Variants in STRADA observed in about 807,000 individuals in gnomAD.
STRADA encodes the protein STE20-related kinase adapter protein alpha.
Under a neutral mutation model 55.0 loss-of-function variants are expected in STRADA, and 26 were observed. The observed-to-expected ratio is 0.47, with a 90% CI of 0.35 to 0.66. STRADA has a LOEUF of 0.66. Among genes scored for constraint, STRADA ranks in the 30% least tolerant of loss-of-function variants. The probability of loss-of-function intolerance (pLI) is 0.01; values close to 1 mark genes in which losing one functional copy is unlikely to be tolerated. For synonymous variants in STRADA, 197 were observed against 210.9 expected, an observed-to-expected ratio of 0.93 and a Z score of 0.57; for missense variants, 443 against 549.7, an observed-to-expected ratio of 0.81 and a Z score of 1.94.
At chr17:63,704,243 T>C in intron 11 of STRADA, 98 bp downstream of exon 11, 1 of 1,560,314 alleles carries the variant, frequency 6.4e-7, no homozygotes, top group Non-Finnish European at 8.7e-7. Flanking sequence ...CAGATTCCCC[T>C]GCAGAACCTT....
At chr17:63,732,835 G>A (rs758120822) in intron 1 of STRADA, among the ~76,000 whole-genome samples, 5 of 152,118 alleles carry the variant, frequency 3.3e-5, no homozygotes, top group Non-Finnish European at 7.3e-5. Context: ...TCCTACCTTG[G>A]CCTCCCAAAG....
At chr17:63,713,981 G>C in intron 5 of STRADA, 25 bp downstream of exon 5, 1 of 1,593,210 alleles carries the variant, frequency 6.3e-7, no homozygotes, top group Non-Finnish European at 8.6e-7. Flanking sequence ...GAAAGCAGGA[G>C]AGTAAGGACG....
rs2036441220 is a variant in STRADA at position 63,710,720 on chromosome 17, C to G, written c.457+8G>C. On this transcript the variant is annotated splice_region_variant and intron_variant, in intron 7 of 12. Coordinates refer to ENST00000336174, the MANE Select transcript of STRADA (RefSeq NM_001003787.4). ...ACCCCTTTCTACCAAGAACCCTTTC[C>G]CACTCACCGTATGCCATGAATGATG... 2 of 1,613,968 alleles carry G rather than the reference C, an allele frequency of 1.2e-6. No homozygotes were observed. The highest frequency in any genetic ancestry group is 1.7e-6 in the Non-Finnish European group (2 of 1,179,968).
Position 63,731,830 on chromosome 17 carries a change from AT to A in STRADA, c.-44-3418del, listed in dbSNP as rs563833883. ...AAAAAAGTTTCTATGGTCTGGAAAA[AT>A]TTTGGAATTTAAAAATAAAATCAAA... On this transcript the variant is annotated intron_variant, in intron 1 of 12. Coordinates refer to ENST00000336174, the MANE Select transcript of STRADA (RefSeq NM_001003787.4). Among the ~76,000 whole-genome samples the A allele has an allele frequency of 7.6e-3, 1,158 of 152,248 alleles. 7 individuals carry two copies. The highest frequency in any genetic ancestry group is 0.013 in the Non-Finnish European group (897 of 68,032).
At chr17:63,710,958 G>A in intron 6 of STRADA, 122 bp from the exon 7 acceptor site, 1 of 862,638 alleles carries the variant, frequency 1.2e-6, no homozygotes, top group Non-Finnish European at 1.8e-6. Flanking sequence ...CAGAGTCATG[G>A]GAACAGCCTA....
At chr17:63,731,287 G>A (rs1254476494) in intron 1 of STRADA, among the ~76,000 whole-genome samples, 5 of 131,286 alleles carry the variant, frequency 3.8e-5, no homozygotes, top group East Asian at 4.5e-4. Flanking sequence ...TTTCTGAGAC[G>A]GAGTCTTGCC....
chr17:63,728,243 T>C, intron 2 of STRADA, 91 bp downstream of exon 2: 1 of 1,260,882 alleles, frequency 7.9e-7, no homozygotes, highest in Non-Finnish European at 1.1e-6. Flanking sequence ...ATTCCGACCC[T>C]CACGTAGAAA....
chr17:63,712,481 G>C (rs965565928), intron 6 of STRADA: 4 of 152,232 alleles, frequency 2.6e-5, no homozygotes, highest in African/African-American at 9.7e-5. Flanking sequence ...GGGAGACTGA[G>C]GTGAGTTGAT....
In STRADA at chr17:63,710,559, C is replaced by T. The variant is rs779411398; in HGVS notation, c.513G>A (p.Ala171=). 9.9e-6 allele frequency: 16 copies of T among 1,613,858 alleles called. No homozygotes were observed. Among genetic ancestry groups the T allele is most frequent in the East Asian group, 4.5e-5 (2 of 44,894 alleles). Residue 171 remains alanine, a synonymous_variant, in exon 8 of 13, where the codon GCG becomes GCA. Transcript: ENST00000336174. ...GCACCCCCTGCAGGATGTAAGCAAT[C>T]GCCAGCTCATTCATGCCATCCATGA... ...THFMDGMNEL[A]IAYILQGVLK...
chr17:63,732,901 G>A (rs548916941), intron 1 of STRADA, among the ~76,000 whole-genome samples: 2 of 151,756 alleles, frequency 1.3e-5, no homozygotes, highest in African/African-American at 4.8e-5. Context: ...TTTTCTTTTT[G>A]GGGAAGGACA....
intron 1 of STRADA, chr17:63,741,246 A>G (rs1422157005): frequency 6.6e-6 from 1 of 152,202 alleles, no homozygotes; most frequent in Non-Finnish European, 1.5e-5. Flanking sequence ...GGCACCCAAA[A>G]AACATTTCTG....
chr17:63,732,588 G>C (rs1201660456), intron 1 of STRADA, among the ~76,000 whole-genome samples: 1 of 152,166 alleles, frequency 6.6e-6, no homozygotes, highest in Non-Finnish European at 1.5e-5. Context: ...TGGAGCTCAG[G>C]AGTTCAAGAC....
intron 4 of STRADA, among the ~76,000 whole-genome samples, chr17:63,714,861 G>A (rs4968660): frequency 0.32 from 48,991 of 152,138 alleles, 8,626 homozygotes; most frequent in South Asian, 0.58. Context: ...CAAAACACAC[G>A]GCAGACCAAC....
chr17:63,723,436 T>TA, intron 3 of STRADA, 110 bp from the exon 4 acceptor site: 1 of 1,336,562 alleles, frequency 7.5e-7, no homozygotes, highest in Non-Finnish European at 1.1e-6. Flanking sequence ...AGAAACCACT[T>TA]AAAAGTCATT....
intron 1 of STRADA, among the ~76,000 whole-genome samples, chr17:63,731,256 CTTTTTTTTTTTT>C (rs60777564): frequency 3.8e-5 from 3 of 78,044 alleles, no homozygotes; most frequent in African/African-American, 2.1e-4. Flanking sequence ...ATATTCTTTC[CTTTTTTTTTTTT>C]TTTTTTTTTT....
chr17:63,738,274 G>A (rs1218857175), intron 1 of STRADA, among the ~76,000 whole-genome samples: 1 of 149,736 alleles, frequency 6.7e-6, no homozygotes, highest in Non-Finnish European at 1.5e-5. Context: ...CCGGGAGGCG[G>A]AGGTTGTAGT....
intron 8 of STRADA, 199 bp downstream of exon 8, chr17:63,710,292 C>T: frequency 2.5e-6 from 2 of 788,640 alleles, no homozygotes; most frequent in Non-Finnish European, 1.9e-6. Flanking sequence ...CTGCCTTGGC[C>T]TCCCAAGCGC....
chr17:63,721,725 A>T (rs1026131543), intron 4 of STRADA, among the ~76,000 whole-genome samples: 3 of 152,064 alleles, frequency 2.0e-5, no homozygotes, highest in Non-Finnish European at 4.4e-5. Context: ...AAAAAAAAAA[A>T]AAGAAAGAAA....
At chr17:63,729,197 A>C (rs1461964186) in intron 1 of STRADA, among the ~76,000 whole-genome samples, 1 of 152,076 alleles carries the variant, frequency 6.6e-6, no homozygotes, top group Non-Finnish European at 1.5e-5. Flanking sequence ...CCTGCTTTTT[A>C]ATAATTATTC....
Sources: gnomAD v4.1 joint callset for allele counts (sites outside exome capture counted in the v4.1 genomes callset) on GRCh38, gnomAD v4.1.1 for gene constraint, MANE v1.5 for transcripts, NCBI Gene and HGNC (gene_info 2026-07-23, HGNC 2026-07-21) for gene names.